The following HTR7 variants were observed in gnomAD, a reference collection of about 807,000 sequenced individuals.
HTR7 encodes 5-hydroxytryptamine receptor 7.
In HTR7, 16 loss-of-function variants were observed where a neutral mutation model predicts 34.0. The observed-to-expected ratio is 0.47, with a 90% CI of 0.32 to 0.71. HTR7 has a LOEUF of 0.71. HTR7 is among the 30% of genes least tolerant of loss of function. HTR7 has a pLI of 0.04. For synonymous variants in HTR7, 265 were observed against 260.2 expected, an observed-to-expected ratio of 1.02 and a Z score of -0.18; for missense variants, 504 against 625.5, an observed-to-expected ratio of 0.81 and a Z score of 2.07.
intron 1 of HTR7, among the ~76,000 whole-genome samples, chr10:90,819,561 C>T (rs902067546): frequency 1.3e-5 from 2 of 152,056 alleles, no homozygotes; most frequent in African/African-American, 4.8e-5. Flanking sequence ...GTGTTACAAC[C>T]CCAAATTGCC....
chr10:90,777,999 T>A (rs544866317), intron 1 of HTR7, among the ~76,000 whole-genome samples: 69 of 152,322 alleles, frequency 4.5e-4, no homozygotes, highest in African/African-American at 1.4e-3. Context: ...GGCTACAATT[T>A]CCTACAGTTC....
chr10:90,855,442 T>G (rs1846564754), intron 1 of HTR7, among the ~76,000 whole-genome samples: 1 of 152,244 alleles, frequency 6.6e-6, no homozygotes, highest in Non-Finnish European at 1.5e-5. Flanking sequence ...TTATGTATCA[T>G]TTATCAACTG....
chr10:90,845,989 T>C (rs532993862), intron 1 of HTR7, among the ~76,000 whole-genome samples: 14 of 152,244 alleles, frequency 9.2e-5, no homozygotes, highest in Non-Finnish European at 4.4e-5. Flanking sequence ...TAGAATCATA[T>C]GCCAAGGTGG....
At chr10:90,842,578 T>G (rs913585049) in intron 1 of HTR7, among the ~76,000 whole-genome samples, 1 of 152,160 alleles carries the variant, frequency 6.6e-6, no homozygotes, top group Non-Finnish European at 1.5e-5. Context: ...AGATGAATCA[T>G]GCATAGCCCT....
intron 1 of HTR7, among the ~76,000 whole-genome samples, chr10:90,771,469 G>A (rs762543176): frequency 2.0e-5 from 3 of 152,200 alleles, no homozygotes; most frequent in Non-Finnish European, 2.9e-5. Flanking sequence ...CAGACCTGAG[G>A]AGCTCCCTGA....
chr10:90,841,231 C>T (rs770104342), intron 1 of HTR7, among the ~76,000 whole-genome samples: 1 of 152,242 alleles, frequency 6.6e-6, no homozygotes, highest in African/African-American at 2.4e-5. Flanking sequence ...GTTAAGACTA[C>T]TTACAGGTCC....
At chr10:90,751,696 C>CA (rs1234989991) in intron 1 of HTR7, among the ~76,000 whole-genome samples, 8 of 151,984 alleles carry the variant, frequency 5.3e-5, no homozygotes, top group Admixed American at 1.3e-4. Context: ...AAAATTATGA[C>CA]AAAAAAGGTT....
At chr10:90,777,814 C>T (rs993773342) in intron 1 of HTR7, among the ~76,000 whole-genome samples, 1 of 152,210 alleles carries the variant, frequency 6.6e-6, no homozygotes, top group Non-Finnish European at 1.5e-5. Flanking sequence ...TCCTTAATTG[C>T]TGTGTCCTGT....
chr10:90,754,952 T>A (rs1188676031), intron 1 of HTR7, among the ~76,000 whole-genome samples: 3 of 152,216 alleles, frequency 2.0e-5, no homozygotes, highest in African/African-American at 7.2e-5. Flanking sequence ...CTCCGGCTGA[T>A]GTCAGTGGCT....
At chr10:90,781,390 GTTTTACTTTTAAA>G (rs1412707324) in intron 1 of HTR7, among the ~76,000 whole-genome samples, 5 of 152,078 alleles carry the variant, frequency 3.3e-5, no homozygotes, top group Non-Finnish European at 7.4e-5. Flanking sequence ...ACTTTTTAAA[GTTTTACTTTTAAA>G]TAACTCTTTC....
chr10:90,834,717 C>G (rs781737957), intron 1 of HTR7, among the ~76,000 whole-genome samples: 3 of 152,104 alleles, frequency 2.0e-5, no homozygotes, highest in Non-Finnish European at 4.4e-5. Context: ...AGCTAGCAGT[C>G]ACAGGGTCCC....
At chr10:90,759,645 G>A (rs1320485420) in intron 1 of HTR7, among the ~76,000 whole-genome samples, 1 of 109,282 alleles carries the variant, frequency 9.2e-6, no homozygotes, top group African/African-American at 3.8e-5. Context: ...CTGGGCGACA[G>A]AGCGAGACTC....
intron 1 of HTR7, among the ~76,000 whole-genome samples, chr10:90,789,821 T>C (rs1030316362): frequency 6.6e-6 from 1 of 152,184 alleles, no homozygotes; most frequent in Admixed American, 6.5e-5. Context: ...GTGGATAAGC[T>C]GGGTGACCTT....
intron 1 of HTR7, among the ~76,000 whole-genome samples, chr10:90,765,175 G>T (rs1229824417): frequency 6.6e-6 from 1 of 152,064 alleles, no homozygotes; most frequent in Non-Finnish European, 1.5e-5. Context: ...TTAGTTTGTT[G>T]GGAGGTTTTT....
At chr10:90,830,502 G>T (rs1185955351) in intron 1 of HTR7, among the ~76,000 whole-genome samples, 4 of 152,132 alleles carry the variant, frequency 2.6e-5, no homozygotes, top group Non-Finnish European at 5.9e-5. Flanking sequence ...GAAAGATTTG[G>T]CCAGCCAGGC....
intron 1 of HTR7, among the ~76,000 whole-genome samples, chr10:90,831,514 C>T (rs1200185290): frequency 2.0e-5 from 3 of 152,174 alleles, no homozygotes; most frequent in Non-Finnish European, 2.9e-5. Context: ...TGGGCAGTAG[C>T]AAGATCTATT....
At chr10:90,809,170 C>T (rs1845757740) in intron 1 of HTR7, among the ~76,000 whole-genome samples, 1 of 152,142 alleles carries the variant, frequency 6.6e-6, no homozygotes. Flanking sequence ...CCCTATAATC[C>T]TTTTATCACC....
chr10:90,826,805 C>T (rs775349610), intron 1 of HTR7, among the ~76,000 whole-genome samples: 9 of 151,734 alleles, frequency 5.9e-5, no homozygotes, highest in East Asian at 1.9e-4. Flanking sequence ...GGTGTGGTGG[C>T]GGGTGCCTGT....
chr10:90,796,155 T>C (rs1264789131), intron 1 of HTR7, among the ~76,000 whole-genome samples: 1 of 152,196 alleles, frequency 6.6e-6, no homozygotes, highest in Non-Finnish European at 1.5e-5. Context: ...GAACTGGTTT[T>C]TCAGGTTAAC....
Sources: allele counts gnomAD v4.1 joint callset (sites outside exome capture counted in the v4.1 genomes callset), GRCh38; gene constraint gnomAD v4.1.1; transcripts MANE v1.5; gene names NCBI Gene and HGNC (gene_info 2026-07-23, HGNC 2026-07-21).